Variants in SPTBN2 observed in about 807,000 individuals in gnomAD.
The protein encoded by SPTBN2 is spectrin beta, non-erythrocytic 2, also known as spectrin beta chain, non-erythrocytic 2.
A neutral mutation model predicts 284.2 loss-of-function variants in SPTBN2; 107 were observed. The observed-to-expected ratio is 0.38, with a 90% confidence interval of 0.32 to 0.44. The LOEUF is 0.44. Ranked by LOEUF, SPTBN2 falls within the 20% of genes least tolerant of loss-of-function variation. The probability of loss-of-function intolerance (pLI) is 1.00; values close to 1 mark genes in which losing one functional copy is unlikely to be tolerated. For missense variants in SPTBN2, 2,569 were observed against 3,287.1 expected (o/e 0.78, Z 5.34); for synonymous variants, 1,289 against 1,354.8 (o/e 0.95, Z 1.07).
In SPTBN2 at chr11:66,710,537, G is replaced by A. The variant is rs200811585; in HGVS notation, c.1073+45C>T. The A allele has an allele frequency of 1.1e-3, 1,689 of 1,598,294 alleles. 10 individuals carry two copies. The African/African-American group carries it at 0.017, about 16-fold the overall frequency. On this transcript the variant is annotated intron_variant, in intron 10 of 37. Coordinates refer to ENST00000533211, the MANE Select transcript of SPTBN2 (RefSeq NM_006946.4). The surrounding 1 kb of genome is among the most constrained non-coding windows in gnomAD (Gnocchi z 4.9). Reference sequence around the variant, plus strand: ...GCTGTGCTAATTTAGGCTTCCTCTCGTGGGAGCACAGCTCAGGGAAGGGTG... The same window carrying A: ...GCTGTGCTAATTTAGGCTTCCTCTCATGGGAGCACAGCTCAGGGAAGGGTG...
upstream of SPTBN2, among the ~76,000 whole-genome samples, chr11:66,730,182 C>T (rs558864093): frequency 1.3e-5 from 2 of 152,120 alleles, no homozygotes; most frequent in Non-Finnish European, 2.9e-5. Flanking sequence ...CAACTCTTCC[C>T]AGAGGTAGGA....
Position 66,693,638 on chromosome 11 carries a change from C to T in SPTBN2, c.4593+134G>A. 7.6e-7 allele frequency: 1 copy of T among 1,312,338 alleles called. No homozygotes were observed. Among genetic ancestry groups the T allele is most frequent in the East Asian group, 2.5e-5 (1 of 39,784 alleles). The allele number at this position is 1,312,338 out of a possible 1,614,324, so 81.3% of individuals were successfully genotyped here. A position where few individuals can be genotyped will look rare whatever the true frequency, so the allele number is the denominator to read the frequency against. On this transcript the variant is annotated intron_variant, in intron 23 of 37. Transcript: ENST00000533211. The surrounding 1 kb of genome is among the most constrained non-coding windows in gnomAD (Gnocchi z 5.7). ...CTCCTACTGAGAGGACCCACCCTCC[C>T]AAGGTGAGGAAAGACAGCCACTGAA...
Position 66,699,397 on chromosome 11 carries a change from T to C in SPTBN2, c.3776+9A>G. 6.2e-7 allele frequency: 1 copy of C among 1,613,966 alleles called. No homozygotes were observed. Among genetic ancestry groups the C allele is most frequent in the East Asian group, 2.2e-5 (1 of 44,878 alleles). ...GGGAACCCTAATTCATGGACTGTCC[T>C]CATCAGACCTCCTCTCAATGGAGTC... On this transcript the variant is annotated intron_variant, in intron 18 of 37. Coordinates refer to ENST00000533211, the MANE Select transcript of SPTBN2 (RefSeq NM_006946.4).
chr11:66,686,499 C>A, intron 36 of SPTBN2, 59 bp from the exon 37 acceptor site: 1 of 1,594,420 alleles, frequency 6.3e-7, no homozygotes, highest in Admixed American at 1.7e-5. Flanking sequence ...CAGGTAGCTG[C>A]TGGTGAGAGC....
chr11:66,715,523 A>G lies in SPTBN2; in HGVS notation c.310-128T>C. The G allele has an allele frequency of 1.5e-6, 2 of 1,295,568 alleles. No homozygotes were observed. Among genetic ancestry groups the G allele is most frequent in the Non-Finnish European group, 2.1e-6 (2 of 948,804 alleles). 80.3% of individuals were successfully genotyped at this position (1,295,568 alleles called of 1,614,324 possible). A position where few individuals can be genotyped will look rare whatever the true frequency, so the allele number is the denominator to read the frequency against. On this transcript the variant is annotated intron_variant, in intron 4 of 37. Coordinates refer to ENST00000533211, the MANE Select transcript of SPTBN2 (RefSeq NM_006946.4). This position sits in a 1 kb window ranked among gnomAD's most constrained non-coding sequence, Gnocchi z 5.3. ...CAGGAACACAGACAGGCACAGCCCC[A>G]GGGCTGGAGCCAAAGCTGAGCTTAC...
chr11:66,694,867 G>A (rs570049302), intron 21 of SPTBN2, among the ~76,000 whole-genome samples: 6 of 152,330 alleles, frequency 3.9e-5, no homozygotes, highest in African/African-American at 1.2e-4. Flanking sequence ...ACAATGCCTA[G>A]CAGATGTGGG....
chr11:66,686,506 G>C (rs1940123614), intron 36 of SPTBN2, 66 bp from the exon 37 acceptor site: 1 of 1,582,062 alleles, frequency 6.3e-7, no homozygotes, highest in African/African-American at 1.3e-5. Context: ...CTGCTGGTGA[G>C]AGCGTAATCA....
chr11:66,726,261 T>C (rs1470565928), intron 1 of SPTBN2, among the ~76,000 whole-genome samples: 1 of 152,214 alleles, frequency 6.6e-6, no homozygotes, highest in Non-Finnish European at 1.5e-5. Context: ...TGGAATACTT[T>C]CAGGGTTGAG....
At chr11:66,734,458 A>G (rs1448352486) in intron 1 of SPTBN2, among the ~76,000 whole-genome samples, 4 of 152,218 alleles carry the variant, frequency 2.6e-5, no homozygotes, top group Non-Finnish European at 4.4e-5. Context: ...TGTCCTCACC[A>G]TAAGGAACCT....
intron 10 of SPTBN2, among the ~76,000 whole-genome samples, 190 bp from the exon 11 acceptor site, chr11:66,709,209 G>T (rs1437088867): frequency 6.6e-6 from 1 of 152,166 alleles, no homozygotes; most frequent in Non-Finnish European, 1.5e-5. Context: ...ACAGAGTCTT[G>T]CTTTGTCACC....
rs1463334728 is a variant in SPTBN2 at position 66,707,834 on chromosome 11, G to T, written c.1351-16C>A. The T allele has an allele frequency of 6.2e-7, 1 of 1,606,358 alleles. No homozygotes were observed. Among genetic ancestry groups the T allele is most frequent in the African/African-American group, 1.3e-5 (1 of 75,022 alleles). On this transcript the variant is annotated splice_polypyrimidine_tract_variant and intron_variant, in intron 12 of 37. Coordinates refer to ENST00000533211, the MANE Select transcript of SPTBN2 (RefSeq NM_006946.4). The surrounding 1 kb of genome is among the most constrained non-coding windows in gnomAD (Gnocchi z 4.9). The stretch of plus-strand genomic sequence containing the variant: ...CAAAGTTGTCCTGTGTCGGGGGCAG[G>T]GAGAGGAGGTGTGGGGACCAAGGGA...
At chr11:66,696,234 T>A in intron 21 of SPTBN2, 43 bp downstream of exon 21, 2 of 1,603,646 alleles carry the variant, frequency 1.2e-6, no homozygotes, top group Non-Finnish European at 1.7e-6. Flanking sequence ...TGCAGCCCCT[T>A]TCTTCTGCTG....
At chr11:66,737,386 T>C (rs1942861430) in intron 1 of SPTBN2, among the ~76,000 whole-genome samples, 1 of 152,314 alleles carries the variant, frequency 6.6e-6, no homozygotes, top group African/African-American at 2.4e-5. Flanking sequence ...AGGATATCTA[T>C]AATACAATCA....
Position 66,705,781 on chromosome 11 carries a change from C to T in SPTBN2, c.1710G>A (p.Leu570=), listed in dbSNP as rs1590949652. 1.2e-6 allele frequency: 2 copies of T among 1,612,524 alleles called. No individual in the cohort carries two copies. The highest frequency in any genetic ancestry group is 1.7e-6 in the Non-Finnish European group (2 of 1,179,886). The change falls in exon 14 of 38, where the codon CTG becomes CTA. Residue 570 remains leucine (L), a synonymous_variant. Coordinates refer to ENST00000533211, the MANE Select transcript of SPTBN2 (RefSeq NM_006946.4). ...GRHLAGVEDL[L]QLHELVEADI... ...CTGCCTCCACCAGCTCGTGCAGCTG[C>T]AGCAGGTCCTCCACTCCTGCTAGGT...
chr11:66,688,023 G>A lies in SPTBN2; in HGVS notation c.6431C>T (p.Thr2144Ile), dbSNP rs886048546. 1.9e-6 allele frequency: 3 copies of A among 1,614,226 alleles called. No homozygotes were observed. Among genetic ancestry groups the A allele is most frequent in the Non-Finnish European group, 2.5e-6 (3 of 1,180,048 alleles). ...TQAPSVNGVC[T>I]DGEPSQPLLG... The stretch of plus-strand genomic sequence containing the variant: ...GGTCACCTGTGAGGGCTCTCCATCT[G>A]TGCAGACTCCATTAACACTGGGTGC... Residue 2144 changes from threonine (T) to isoleucine (I), a missense_variant, in exon 33 of 38, where the codon ACA becomes ATA. Physicochemically the swap from Thr to Ile is moderately conservative, Grantham distance 89 (BLOSUM62 -1). This residue lies in a region of SPTBN2 where 1,130 missense variants were observed against 1,317.3 expected (regional missense o/e 0.86). Transcript: ENST00000533211.
intron 1 of SPTBN2, among the ~76,000 whole-genome samples, chr11:66,727,003 C>A (rs1942641247): frequency 6.6e-6 from 1 of 152,198 alleles, no homozygotes; most frequent in African/African-American, 2.4e-5. Flanking sequence ...AAGTTAGGAA[C>A]TGGGCTGAAG....
Position 66,710,747 on chromosome 11 carries a change from G to A in SPTBN2, c.908C>T (p.Ala303Val). Reference protein sequence around the residue: ...IGKVLDHAMEAERLVEKYESL... With the variant: ...IGKVLDHAMEVERLVEKYESL... ...CTCGTATTTCTCCACCAGGCGCTCT[G>A]CCTCCATGGCATGGTCCAGCACCTG... The change falls in exon 10 of 38, where the codon GCA becomes GTA. Residue 303 changes from alanine to valine, a missense_variant. Around this residue, in one of 6 missense-constraint regions of SPTBN2, gnomAD observed 304 missense variants for 522.1 expected, o/e 0.58. Transcript: ENST00000533211. The surrounding 1 kb of genome is among the most constrained non-coding windows in gnomAD (Gnocchi z 4.9). 6.2e-7 allele frequency: 1 copy of A among 1,614,094 alleles called. No individual in the cohort carries two copies. The highest frequency in any genetic ancestry group is 1.1e-5 in the South Asian group (1 of 91,088).
chr11:66,734,115 G>T (rs890137159), upstream of SPTBN2, among the ~76,000 whole-genome samples: 2 of 151,150 alleles, frequency 1.3e-5, no homozygotes, highest in African/African-American at 4.9e-5. Context: ...TTCTTCTTTT[G>T]TTATGGGGTT....
rs1014189918 is a variant in SPTBN2, at chr11:66,708,611, G to A, written c.1191+291C>T. 1.3e-5 allele frequency among the ~76,000 whole-genome samples: 2 copies of A among 152,186 alleles called. No individual in the cohort carries two copies. Among genetic ancestry groups the A allele is most frequent in the African/African-American group, 2.4e-5 (1 of 41,448 alleles). ...AATATTGTGAAAAAAATAAAAGAAG[G>A]GATAGTGAGTTGGGGACAGGTTTAA... is the stretch of plus-strand genomic sequence containing the variant. On this transcript the variant is annotated intron_variant, in intron 11 of 37. Transcript: ENST00000533211. The surrounding 1 kb of genome is among the most constrained non-coding windows in gnomAD (Gnocchi z 4.4).
Sources: gnomAD v4.1 joint callset for allele counts (sites outside exome capture counted in the v4.1 genomes callset) on GRCh38, gnomAD v4.1.1 for gene constraint, gnomAD v4.1.1 regional missense constraint, Gnocchi (gnomAD v3.1) non-coding constraint, MANE v1.5 for transcripts, NCBI Gene and HGNC (gene_info 2026-07-23, HGNC 2026-07-21) for gene names.